The following DENND5B variants were observed in gnomAD, a reference collection of about 807,000 sequenced individuals.
The protein encoded by DENND5B is DENN domain-containing protein 5B.
Under a neutral mutation model 140.6 loss-of-function variants are expected in DENND5B, and 34 were observed. That is an observed-to-expected ratio of 0.24 (90% CI 0.18 to 0.32). The LOEUF is 0.32. Among genes scored for constraint, DENND5B ranks in the 10% least tolerant of loss-of-function variants. DENND5B has a pLI of 1.00. For synonymous variants in DENND5B, 551 were observed against 562.1 expected (o/e 0.98, Z 0.28); for missense variants, 1,142 against 1,560.2 (o/e 0.73, Z 4.52).
intron 1 of DENND5B, among the ~76,000 whole-genome samples, chr12:31,501,626 A>G (rs1947005448): frequency 6.6e-6 from 1 of 152,058 alleles, no homozygotes; most frequent in African/African-American, 2.4e-5. Context: ...ATACAAAATT[A>G]ACCAGGCATG....
Position 31,415,255 on chromosome 12 carries a change from A to T in DENND5B, c.2552+112T>A. The T allele has an allele frequency of 3.9e-6, 3 of 768,858 alleles. No homozygotes were observed. The East Asian group carries it at 8.5e-5, about 22-fold the overall frequency. 47.6% of individuals were successfully genotyped at this position (768,858 alleles called of 1,614,324 possible). A position where few individuals can be genotyped will look rare whatever the true frequency, so the allele number is the denominator to read the frequency against. ...AATCATAAAAAATGCTTTCTTCAGA[A>T]TACATAAGCCAAAAATAAACACAGC... On this transcript the variant is annotated intron_variant, in intron 12 of 20. Transcript: ENST00000389082.
At chr12:31,585,032 A>G (rs944258870) in intron 1 of DENND5B, among the ~76,000 whole-genome samples, 12 of 152,056 alleles carry the variant, frequency 7.9e-5, no homozygotes, top group Non-Finnish European at 4.4e-5. Context: ...ACTCTTTTTA[A>G]CAACTAGCTC....
intron 1 of DENND5B, among the ~76,000 whole-genome samples, chr12:31,557,814 C>CAAAAAA (rs71445804): frequency 7.4e-5 from 6 of 80,966 alleles, no homozygotes; most frequent in Admixed American, 2.9e-4. Flanking sequence ...GCTGTGGTGG[C>CAAAAAA]AAAAAAAAAA....
At chr12:31,397,416 C>T (rs144361342) in intron 17 of DENND5B, among the ~76,000 whole-genome samples, 3,303 of 151,492 alleles carry the variant, frequency 0.022, 113 homozygotes, top group African/African-American at 0.077. Flanking sequence ...GATGTGGTGG[C>T]GGGCACCTGT....
At chr12:31,554,872 C>T (rs1949215561) in intron 1 of DENND5B, among the ~76,000 whole-genome samples, 4 of 152,082 alleles carry the variant, frequency 2.6e-5, no homozygotes, top group South Asian at 2.1e-4. Context: ...CTTCTGCATT[C>T]GTCACGTAGC....
chr12:31,501,901 A>G (rs1947021410), intron 1 of DENND5B, among the ~76,000 whole-genome samples: 2 of 152,156 alleles, frequency 1.3e-5, no homozygotes, highest in African/African-American at 4.8e-5. Context: ...TGATAGGGGA[A>G]ATTGTGTGTG....
At chr12:31,471,291 TAG>T (rs1034385258) in intron 3 of DENND5B, among the ~76,000 whole-genome samples, 4 of 152,060 alleles carry the variant, frequency 2.6e-5, no homozygotes, top group Admixed American at 1.3e-4. Context: ...CCAGAGATCT[TAG>T]AGACACTCTT....
chr12:31,522,125 A>T (rs776317824), intron 1 of DENND5B, among the ~76,000 whole-genome samples: 5 of 152,142 alleles, frequency 3.3e-5, no homozygotes, highest in African/African-American at 4.8e-5. Flanking sequence ...ATCCTTGCCC[A>T]CTTAGCAAAC....
intron 7 of DENND5B, among the ~76,000 whole-genome samples, chr12:31,433,817 G>T (rs555321952): frequency 7.5e-5 from 11 of 145,810 alleles, no homozygotes; most frequent in African/African-American, 2.3e-4. Flanking sequence ...CCAGTAGTTC[G>T]AGACCAGCCT....
intron 17 of DENND5B, among the ~76,000 whole-genome samples, 174 bp from the exon 18 acceptor site, chr12:31,392,870 G>A (rs1485388626): frequency 6.6e-6 from 1 of 152,186 alleles, no homozygotes; most frequent in Non-Finnish European, 1.5e-5. Context: ...AAGCATCCTG[G>A]CAAAATGGAA....
intron 1 of DENND5B, among the ~76,000 whole-genome samples, chr12:31,556,104 G>A (rs934993767): frequency 2.6e-5 from 4 of 152,236 alleles, no homozygotes; most frequent in African/African-American, 9.6e-5. Context: ...GATGAACCCG[G>A]TACCTCAGTT....
chr12:31,450,348 T>A (rs940607836), intron 5 of DENND5B, among the ~76,000 whole-genome samples: 2 of 123,332 alleles, frequency 1.6e-5, no homozygotes, highest in African/African-American at 5.8e-5. Context: ...AAATATCTGA[T>A]GAAGTAAAAA....
At chr12:31,438,835 A>G (rs948416267) in intron 7 of DENND5B, among the ~76,000 whole-genome samples, 1 of 152,202 alleles carries the variant, frequency 6.6e-6, no homozygotes, top group African/African-American at 2.4e-5. Context: ...TAAAAATATG[A>G]AACAGAATAT....
At chr12:31,489,517 A>G (rs1946441194) in intron 2 of DENND5B, among the ~76,000 whole-genome samples, 1 of 152,230 alleles carries the variant, frequency 6.6e-6, no homozygotes, top group African/African-American at 2.4e-5. Flanking sequence ...CCTGCTTAAG[A>G]GATGGTTTTG....
chr12:31,584,905 C>T (rs1381384118), intron 1 of DENND5B, among the ~76,000 whole-genome samples: 1 of 143,942 alleles, frequency 6.9e-6, no homozygotes, highest in Non-Finnish European at 1.5e-5. Context: ...AGAGGCATGG[C>T]GCCAGCATCT....
rs1950587719 is a variant in DENND5B, at chr12:31,590,610, G to A, written c.127+96C>T. The A allele has an allele frequency of 3.8e-6, 5 of 1,312,930 alleles. No homozygotes were observed. In the South Asian group the frequency reaches 8.9e-5, roughly 23 times the overall value. The allele number at this position is 1,312,930 out of a possible 1,614,324, so 81.3% of individuals were successfully genotyped here. ...CGGCGGGAGGGCGCCACCGGGAGCT[G>A]ACTTTGTCTGGAGCCTGCACCCCGC... On this transcript the variant is annotated intron_variant, in intron 1 of 20. Coordinates refer to ENST00000389082, the MANE Select transcript of DENND5B (RefSeq NM_144973.4).
At position 31,452,388 on chromosome 12, in the gene DENND5B, T is replaced by C; in HGVS notation, c.1181A>G (p.Gln394Arg). The C allele has an allele frequency of 6.2e-7, 1 of 1,613,988 alleles. No homozygotes were observed. The highest frequency in any genetic ancestry group is 8.5e-7 in the Non-Finnish European group (1 of 1,179,884). ...PQFPNKVDFI[Q>R]ELSEVLVQFG... ...TTGAACAAGAACCTCAGAGAGTTCT[T>C]GGATAAAATCCACTTTATTGGGGAA... Residue 394 changes from glutamine (Q) to arginine (R), a missense_variant, in exon 5 of 21, where the codon CAA becomes CGA. Physicochemically the swap from Gln to Arg is conservative, Grantham distance 43 (BLOSUM62 1). This residue lies in a region of DENND5B where 708 missense variants were observed against 905.5 expected (regional missense o/e 0.78). Coordinates refer to ENST00000389082, the MANE Select transcript of DENND5B (RefSeq NM_144973.4).
At chr12:31,451,307 T>C (rs1944508498) in intron 5 of DENND5B, among the ~76,000 whole-genome samples, 1 of 151,996 alleles carries the variant, frequency 6.6e-6, no homozygotes, top group Admixed American at 6.6e-5. Flanking sequence ...ATGTAAGAGT[T>C]TCTATAAATT....
intron 4 of DENND5B, among the ~76,000 whole-genome samples, chr12:31,458,798 A>G (rs1377211691): frequency 6.6e-6 from 1 of 152,236 alleles, no homozygotes; most frequent in Non-Finnish European, 1.5e-5. Flanking sequence ...AAAGATGTGA[A>G]TTAAATAGCT....
Sources: gnomAD v4.1 joint callset for allele counts (sites outside exome capture counted in the v4.1 genomes callset) on GRCh38, gnomAD v4.1.1 for gene constraint, gnomAD v4.1.1 regional missense constraint, MANE v1.5 for transcripts, NCBI Gene and HGNC (gene_info 2026-07-23, HGNC 2026-07-21) for gene names.